The following PARD3 variants were observed in gnomAD, a reference collection of about 807,000 sequenced individuals.
PARD3 encodes the protein par-3 family cell polarity regulator.
A neutral mutation model predicts 155.4 loss-of-function variants in PARD3; 75 were observed. The ratio of observed to expected loss-of-function variants is 0.48; its 90% CI spans 0.40 to 0.58. The LOEUF (loss-of-function observed/expected upper bound fraction) is 0.58, where lower values mean the gene tolerates loss of function less well. Ranked by LOEUF, PARD3 falls within the 20% of genes least tolerant of loss-of-function variation. The pLI is 0.00. For synonymous variants in PARD3, 576 were observed against 610.5 expected, an observed-to-expected ratio of 0.94 and a Z score of 0.83; for missense variants, 1,642 against 1,721.7, an observed-to-expected ratio of 0.95 and a Z score of 0.82.
chr10:34,648,202 T>A (rs1259934499), intron 2 of PARD3, among the ~76,000 whole-genome samples: 1 of 152,230 alleles, frequency 6.6e-6, no homozygotes, highest in Non-Finnish European at 1.5e-5. Context: ...AAAGCCCAGT[T>A]GAACTGCAGA....
intron 2 of PARD3, among the ~76,000 whole-genome samples, chr10:34,674,581 G>T (rs2093669939): frequency 6.6e-6 from 1 of 150,480 alleles, no homozygotes; most frequent in African/African-American, 2.4e-5. Flanking sequence ...CCGTCTCCCG[G>T]GTTCAAGCGA....
chr10:34,623,764 G>A (rs377030999), intron 2 of PARD3, among the ~76,000 whole-genome samples: 7 of 149,854 alleles, frequency 4.7e-5, no homozygotes, highest in East Asian at 1.9e-4. Context: ...GGCGGATCAC[G>A]AGGTCAGGAG....
At chr10:34,568,218 C>G (rs1216316347) in intron 2 of PARD3, among the ~76,000 whole-genome samples, 4 of 152,148 alleles carry the variant, frequency 2.6e-5, no homozygotes, top group African/African-American at 9.7e-5. Flanking sequence ...TATCACTGAC[C>G]ATAAAGGTAA....
At position 34,227,883 on chromosome 10, in the gene PARD3, T is replaced by TATATATAC. The variant is rs1491222875; in HGVS notation, c.3419+41773_3419+41774insGTATATAT. On this transcript the variant is annotated intron_variant, in intron 22 of 24. Transcript: ENST00000374788. ...ATATATATATATATATATATATATATACTGGGAATATATATGTATATATAA... is the reference window on the plus strand; with the variant it reads ...ATATATATATATATATATATATATATATATATACACTGGGAATATATATGTATATATAA... Among the ~76,000 whole-genome samples the TATATATAC allele has an allele frequency of 1.8e-4, 23 of 130,458 alleles. 1 individual carries two copies. The highest frequency in any genetic ancestry group is 6.4e-4 in the African/African-American group (22 of 34,276). The allele number at this position is 130,458 out of a possible 152,430, so 85.6% of individuals were successfully genotyped here. A position where few individuals can be genotyped will look rare whatever the true frequency, so the allele number is the denominator to read the frequency against.
At chr10:34,161,457 A>G (rs1949275902) in intron 22 of PARD3, among the ~76,000 whole-genome samples, 1 of 152,024 alleles carries the variant, frequency 6.6e-6, no homozygotes. Context: ...TCAGCTTCTT[A>G]ATTCTGCTTT....
At chr10:34,233,400 CTT>C (rs1157078045) in intron 22 of PARD3, among the ~76,000 whole-genome samples, 3 of 151,988 alleles carry the variant, frequency 2.0e-5, no homozygotes, top group African/African-American at 7.3e-5. Flanking sequence ...AGAACTAGCC[CTT>C]CTCTCTCTTC....
chr10:34,125,491 A>G (rs1195032596), intron 23 of PARD3, among the ~76,000 whole-genome samples: 1 of 152,202 alleles, frequency 6.6e-6, no homozygotes, highest in Non-Finnish European at 1.5e-5. Flanking sequence ...AGAAAATGAG[A>G]GCAGATACTT....
At chr10:34,649,628 G>C (rs971859524) in intron 2 of PARD3, among the ~76,000 whole-genome samples, 1 of 152,234 alleles carries the variant, frequency 6.6e-6, no homozygotes, top group African/African-American at 2.4e-5. Flanking sequence ...GTGAGTGAGT[G>C]TCGAGGCCAA....
At chr10:34,709,505 G>A (rs548132763) in intron 1 of PARD3, among the ~76,000 whole-genome samples, 7 of 152,316 alleles carry the variant, frequency 4.6e-5, no homozygotes, top group African/African-American at 1.7e-4. Context: ...ACAAGGAACT[G>A]GTACAAAGAT....
chr10:34,506,301 G>T (rs2133487762), intron 3 of PARD3, among the ~76,000 whole-genome samples: 1 of 152,154 alleles, frequency 6.6e-6, no homozygotes, highest in African/African-American at 2.4e-5. Flanking sequence ...TGGAGACCTG[G>T]GCTTCAGTTA....
intron 22 of PARD3, among the ~76,000 whole-genome samples, chr10:34,193,787 AC>A (rs1950818654): frequency 6.6e-6 from 1 of 152,190 alleles, no homozygotes; most frequent in South Asian, 2.1e-4. Context: ...AAGCTGGAGG[AC>A]CAGCGTGGGC....
chr10:34,390,637 C>T (rs1380594356), intron 7 of PARD3, among the ~76,000 whole-genome samples: 2 of 152,146 alleles, frequency 1.3e-5, no homozygotes, highest in African/African-American at 2.4e-5. Flanking sequence ...TCCTGACAAT[C>T]CCCGTGCCAA....
At chr10:34,549,878 C>T (rs1014635537) in intron 2 of PARD3, among the ~76,000 whole-genome samples, 1 of 151,966 alleles carries the variant, frequency 6.6e-6, no homozygotes, top group African/African-American at 2.4e-5. Context: ...GTTCTGATGA[C>T]AGCACAAGCA....
At chr10:34,191,311 G>A (rs993526965) in intron 22 of PARD3, among the ~76,000 whole-genome samples, 2 of 152,014 alleles carry the variant, frequency 1.3e-5, no homozygotes, top group Admixed American at 6.6e-5. Context: ...GGAATATGTC[G>A]ACTATGGTGA....
In PARD3 at chr10:34,724,224, AT is replaced by A. The variant is rs893809745; in HGVS notation, c.121-27806del. ...TGTTTAATTATTTATCTCTCAGGGTATTTTTTTTTAAGTCAATGCAGTATGG... is the reference window on the plus strand; with the variant it reads ...TGTTTAATTATTTATCTCTCAGGGTATTTTTTTTAAGTCAATGCAGTATGG... On this transcript the variant is annotated intron_variant, in intron 1 of 24. Transcript: ENST00000374788. Among the ~76,000 whole-genome samples, 117 of 151,524 alleles carry A rather than the reference AT, an allele frequency of 7.7e-4. 1 individual carries two copies. Among genetic ancestry groups the A allele is most frequent in the African/African-American group, 2.8e-3 (114 of 41,368 alleles).
intron 22 of PARD3, among the ~76,000 whole-genome samples, chr10:34,210,497 A>G (rs1458776546): frequency 6.6e-6 from 1 of 152,152 alleles, no homozygotes; most frequent in African/African-American, 2.4e-5. Context: ...TGTGGAGTAT[A>G]CGTAACAGCT....
At chr10:34,514,322 A>G (rs2081576304) in intron 3 of PARD3, among the ~76,000 whole-genome samples, 1 of 152,214 alleles carries the variant, frequency 6.6e-6, no homozygotes, top group South Asian at 2.1e-4. Context: ...ATATCTGTAA[A>G]TAGTTAGACT....
intron 2 of PARD3, among the ~76,000 whole-genome samples, chr10:34,650,558 T>G (rs2092977738): frequency 6.6e-6 from 1 of 152,180 alleles, no homozygotes; most frequent in South Asian, 2.1e-4. Flanking sequence ...TTTTTTTAAG[T>G]TGCTTCAATG....
intron 2 of PARD3, among the ~76,000 whole-genome samples, chr10:34,628,496 C>T (rs1265251832): frequency 6.6e-6 from 1 of 152,200 alleles, no homozygotes; most frequent in Non-Finnish European, 1.5e-5. Context: ...CAAGAATCGC[C>T]AATGCTCAAT....
Sources: gnomAD v4.1 joint callset for allele counts (sites outside exome capture counted in the v4.1 genomes callset) on GRCh38, gnomAD v4.1.1 for gene constraint, MANE v1.5 for transcripts, NCBI Gene and HGNC (gene_info 2026-07-23, HGNC 2026-07-21) for gene names.